The following ZNF324B variants were observed in gnomAD, a reference collection of about 807,000 sequenced individuals.
ZNF324B encodes the protein zinc finger protein 324B.
In ZNF324B, 7 loss-of-function variants were observed where a neutral mutation model predicts 10.6. That is an observed-to-expected ratio of 0.66 (90% confidence interval 0.38 to 1.24). ZNF324B has a LOEUF of 1.24. Among genes scored for constraint, ZNF324B ranks in the 50% most tolerant of loss-of-function variants. The probability of loss-of-function intolerance (pLI) is 0.02; values close to 1 mark genes in which losing one functional copy is unlikely to be tolerated. For synonymous variants in ZNF324B, 316 were observed against 321.0 expected (o/e 0.98, Z 0.17); for missense variants, 640 against 764.7 (o/e 0.84, Z 1.92).
chr19:58,446,626 G>C (rs139742979), upstream of ZNF324B, among the ~76,000 whole-genome samples: 209 of 143,188 alleles, frequency 1.5e-3, no homozygotes, highest in African/African-American at 5.3e-3. Flanking sequence ...CACCAGGCTG[G>C]AGTGCAGTGG....
chr19:58,424,390 A>G, the ZNF324B span, among the ~76,000 whole-genome samples: 125 of 149,428 alleles, frequency 8.4e-4, no homozygotes, highest in Non-Finnish European at 1.6e-3. Flanking sequence ...ATTATAAGTT[A>G]ATAATCATCC....
chr19:58,438,566 C>A, the ZNF324B span, among the ~76,000 whole-genome samples: 6 of 151,272 alleles, frequency 4.0e-5, no homozygotes, highest in African/African-American at 9.7e-5. Flanking sequence ...CTCCGCCTCC[C>A]GGGTTCAAGC....
the ZNF324B span, among the ~76,000 whole-genome samples, chr19:58,423,262 G>A: frequency 1.3e-5 from 2 of 152,066 alleles, no homozygotes; most frequent in Non-Finnish European, 2.9e-5. Flanking sequence ...CGGGGTTCTC[G>A]CCATTCTCCT....
Position 58,457,390 on chromosome 19 carries a change from C to G in ZNF324B, c.*811C>G, listed in dbSNP as rs1437750004. 5 of 152,666 alleles carry G rather than the reference C, an allele frequency of 3.3e-5. No homozygotes were observed. Among genetic ancestry groups the G allele is most frequent in the Middle Eastern group, 3.4e-3 (1 of 294 alleles). 9.5% of individuals were successfully genotyped at this position (152,666 alleles called of 1,614,324 possible). A position where few individuals can be genotyped will look rare whatever the true frequency, so the allele number is the denominator to read the frequency against. ...GTCCAAGTCTCAGCTTGGCCAAGGC[C>G]TGTCGCTCACTCATTTACAAAAGTC... On this transcript the variant is annotated 3_prime_UTR_variant, in exon 4 of 4. Transcript: ENST00000336614.
rs143271098 is a variant in ZNF324B at position 58,455,661 on chromosome 19, G to A, written c.717G>A (p.Glu239=). ...CTCATAGACTCCTCGGTGGCCAGGA[G>A]CCCTCGACCTGGGACGAGCTGGGCG... The part of the protein sequence containing the change: ...QEPHRLLGGQ[E]PSTWDELGEA... The change falls in exon 4 of 4, where the codon GAG becomes GAA. Residue 239 remains glutamate (E), a synonymous_variant. Coordinates refer to ENST00000336614, the MANE Select transcript of ZNF324B (RefSeq NM_207395.3). This position sits in a 1 kb window ranked among gnomAD's most constrained non-coding sequence, Gnocchi z 7.0. The A allele has an allele frequency of 1.9e-5, 30 of 1,613,490 alleles. No individual in the cohort carries two copies. Among genetic ancestry groups the A allele is most frequent in the African/African-American group, 2.7e-5 (2 of 74,924 alleles).
the ZNF324B span, among the ~76,000 whole-genome samples, chr19:58,421,826 T>C: frequency 6.6e-6 from 1 of 152,166 alleles, no homozygotes. Flanking sequence ...AATGAGGACA[T>C]TTACCATGTT....
chr19:58,439,777 C>A, the ZNF324B span: 13 of 1,545,138 alleles, frequency 8.4e-6, no homozygotes, highest in African/African-American at 1.8e-4. Context: ...GGCCCATCAG[C>A]AACGCTGGCA....
At chr19:58,434,578 A>G in the ZNF324B span, 23 of 1,614,078 alleles carry the variant, frequency 1.4e-5, 1 homozygote, top group South Asian at 1.5e-4. Context: ...CACATGGGGT[A>G]TTTCCCCAGT....
upstream of ZNF324B, among the ~76,000 whole-genome samples, chr19:58,446,630 G>A (rs1401880901): frequency 7.2e-6 from 1 of 139,806 alleles, no homozygotes; most frequent in African/African-American, 2.7e-5. Flanking sequence ...AGGCTGGAGT[G>A]CAGTGGTGCG....
chr19:58,440,814 A>C, the ZNF324B span: 1 of 152,322 alleles, frequency 6.6e-6, no homozygotes, highest in Admixed American at 6.5e-5. Flanking sequence ...CGCGAGGCCG[A>C]GGCCAAGAAA....
At chr19:58,441,613 T>C in the ZNF324B span, 2 of 152,452 alleles carry the variant, frequency 1.3e-5, no homozygotes, top group Admixed American at 1.3e-4. Context: ...AGAGTCTGAA[T>C]TGTCTGGAGA....
rs778956854 is a variant in ZNF324B, at chr19:58,455,114, T to G, written c.239-69T>G. 3.1e-6 allele frequency: 5 copies of G among 1,605,566 alleles called. No individual in the cohort carries two copies. The Admixed American group carries it at 8.3e-5, about 27-fold the overall frequency. ...CGGCTCCTGGGCTCCCCCTTGCCTG[T>G]CCACTCAGCCTGCCCTGGTCCTCTC... is the stretch of plus-strand genomic sequence containing the variant. On this transcript the variant is annotated intron_variant, in intron 3 of 3. Coordinates refer to ENST00000336614, the MANE Select transcript of ZNF324B (RefSeq NM_207395.3). This position sits in a 1 kb window ranked among gnomAD's most constrained non-coding sequence, Gnocchi z 7.0.
chr19:58,453,748 G>A lies in ZNF324B; in HGVS notation c.47G>A (p.Gly16Glu). The change falls in exon 2 of 4, where the codon GGG becomes GAG. Residue 16 changes from glycine (G) to glutamate (E), a missense_variant. Gly to Glu is a moderately conservative substitution (Grantham distance 98). Coordinates refer to ENST00000336614, the MANE Select transcript of ZNF324B (RefSeq NM_207395.3). ...GTGTACTTCTCCCAGGAGGAGTGGG[G>A]GCTCCTGGACACAGCGCAGAGGGCC... The part of the protein sequence containing the change: ...VAVYFSQEEW[G>E]LLDTAQRALY... The A allele has an allele frequency of 6.2e-7, 1 of 1,614,170 alleles. No individual in the cohort carries two copies. The highest frequency in any genetic ancestry group is 8.5e-7 in the Non-Finnish European group (1 of 1,180,020).
At chr19:58,432,468 T>G in the ZNF324B span, 3 of 372,760 alleles carry the variant, frequency 8.0e-6, no homozygotes, top group African/African-American at 6.3e-5. Context: ...TCCCTGGTTA[T>G]TACCTCACAT....
At chr19:58,447,229 C>A (rs566667680), upstream of ZNF324B, among the ~76,000 whole-genome samples, 1 of 152,168 alleles carries the variant, frequency 6.6e-6, no homozygotes, top group Admixed American at 6.5e-5. Flanking sequence ...CTGCCTGCCT[C>A]GGCCTCCCAA....
chr19:58,439,737 G>A, the ZNF324B span: 2 of 1,513,696 alleles, frequency 1.3e-6, no homozygotes, highest in Admixed American at 2.3e-5. Context: ...GCGGGTGAGG[G>A]CCTGGGGCAC....
chr19:58,433,605 G>C, the ZNF324B span: 3 of 1,613,902 alleles, frequency 1.9e-6, no homozygotes, highest in East Asian at 2.2e-5. Context: ...GACAAATAAG[G>C]CTGGATTTTC....
chr19:58,442,897 A>C, the ZNF324B span: 1 of 152,324 alleles, frequency 6.6e-6, no homozygotes, highest in African/African-American at 2.4e-5. Flanking sequence ...TAAAGCTTCT[A>C]CAGCATGGAA....
In ZNF324B at chr19:58,456,903, C is replaced by T; in HGVS notation, c.*324C>T. The T allele has an allele frequency of 2.3e-6, 1 of 433,082 alleles. No individual in the cohort carries two copies. The highest frequency in any genetic ancestry group is 4.2e-6 in the Non-Finnish European group (1 of 237,146). The allele number at this position is 433,082 out of a possible 1,614,324, so 26.8% of individuals were successfully genotyped here. A position where few individuals can be genotyped will look rare whatever the true frequency, so the allele number is the denominator to read the frequency against. ...GCAGCGCTGCATGGTGGTGCTACTTCATGTGTTATGAGAGTGGATGCTGAG... is the reference window on the plus strand; with the variant it reads ...GCAGCGCTGCATGGTGGTGCTACTTTATGTGTTATGAGAGTGGATGCTGAG... On this transcript the variant is annotated 3_prime_UTR_variant, in exon 4 of 4. Coordinates refer to ENST00000336614, the MANE Select transcript of ZNF324B (RefSeq NM_207395.3). The surrounding 1 kb of genome is among the most constrained non-coding windows in gnomAD (Gnocchi z 4.7).
Sources: gnomAD v4.1 joint callset for allele counts (sites outside exome capture counted in the v4.1 genomes callset) on GRCh38, gnomAD v4.1.1 for gene constraint, Gnocchi (gnomAD v3.1) non-coding constraint, MANE v1.5 for transcripts, NCBI Gene and HGNC (gene_info 2026-07-23, HGNC 2026-07-21) for gene names.